Variants in CHST9 observed in about 807,000 individuals in gnomAD.
CHST9 encodes carbohydrate sulfotransferase 9.
CHST9 carries 41 observed loss-of-function variants against 44.4 expected under a neutral mutation model. The observed-to-expected ratio is 0.92, with a 90% confidence interval of 0.72 to 1.20. CHST9 has a LOEUF of 1.20. Among genes scored for constraint, CHST9 ranks in the 50% most tolerant of loss-of-function variants. CHST9 has a pLI of 0.00. For synonymous variants in CHST9, 171 were observed against 178.4 expected, an observed-to-expected ratio of 0.96 and a Z score of 0.33; for missense variants, 504 against 516.5, an observed-to-expected ratio of 0.98 and a Z score of 0.23.
At chr18:26,930,013 G>A (rs1206233349) in intron 5 of CHST9, among the ~76,000 whole-genome samples, 3 of 152,192 alleles carry the variant, frequency 2.0e-5, no homozygotes, top group Admixed American at 6.5e-5. Flanking sequence ...CACTCCATTC[G>A]TCTCACTGGA....
intron 2 of CHST9, among the ~76,000 whole-genome samples, chr18:27,093,319 G>T (rs1240499377): frequency 6.6e-6 from 1 of 152,230 alleles, no homozygotes; most frequent in African/African-American, 2.4e-5. Context: ...GAAGTTGTTT[G>T]CTGTCTTTTG....
intron 2 of CHST9, among the ~76,000 whole-genome samples, chr18:27,076,379 T>C (rs1324148089): frequency 6.6e-6 from 1 of 152,170 alleles, no homozygotes; most frequent in African/African-American, 2.4e-5. Context: ...TCCATTTTAG[T>C]AGGTTCAGTT....
chr18:26,933,843 T>C (rs1479649733), intron 5 of CHST9: 1 of 153,252 alleles, frequency 6.5e-6, no homozygotes, highest in African/African-American at 2.4e-5. Flanking sequence ...ATGCAAACAC[T>C]AAAACAGTAA....
intron 2 of CHST9, among the ~76,000 whole-genome samples, chr18:27,056,569 A>G (rs998487243): frequency 3.9e-5 from 6 of 152,214 alleles, no homozygotes; most frequent in Non-Finnish European, 8.8e-5. Flanking sequence ...GTGAAGATTA[A>G]ATAAAATGAT....
At chr18:27,069,277 T>C (rs1258424787) in intron 2 of CHST9, among the ~76,000 whole-genome samples, 1 of 152,224 alleles carries the variant, frequency 6.6e-6, no homozygotes, top group East Asian at 1.9e-4. Context: ...AGGCTGTTTA[T>C]GTTCTCTAAT....
At chr18:27,167,954 A>C (rs1035300074) in intron 1 of CHST9, among the ~76,000 whole-genome samples, 2 of 152,224 alleles carry the variant, frequency 1.3e-5, no homozygotes, top group African/African-American at 4.8e-5. Context: ...GAATGAAAGC[A>C]AAGTGGTCTA....
intron 1 of CHST9, among the ~76,000 whole-genome samples, chr18:27,168,368 C>A (rs946766032): frequency 1.3e-5 from 2 of 152,120 alleles, no homozygotes; most frequent in African/African-American, 4.8e-5. Context: ...GCCACCGCGC[C>A]CAGCCTATAC....
intron 3 of CHST9, among the ~76,000 whole-genome samples, chr18:27,030,584 G>C (rs1044459411): frequency 1.3e-5 from 2 of 152,226 alleles, no homozygotes; most frequent in Admixed American, 6.5e-5. Context: ...TTGCCTGTGC[G>C]GAGGCAGCTT....
intron 3 of CHST9, among the ~76,000 whole-genome samples, chr18:27,028,027 T>C (rs935383868): frequency 6.6e-6 from 1 of 152,186 alleles, no homozygotes; most frequent in South Asian, 2.1e-4. Flanking sequence ...GCGATTCTCC[T>C]GCCTCAGCCT....
At chr18:27,155,104 A>G (rs909563676) in intron 1 of CHST9, among the ~76,000 whole-genome samples, 61 of 142,454 alleles carry the variant, frequency 4.3e-4, no homozygotes, top group African/African-American at 1.3e-3. Flanking sequence ...AAAAAAAAAA[A>G]AAGAAGTAAC....
At chr18:27,099,604 T>C (rs2058151332) in intron 2 of CHST9, among the ~76,000 whole-genome samples, 1 of 151,936 alleles carries the variant, frequency 6.6e-6, no homozygotes, top group Non-Finnish European at 1.5e-5. Flanking sequence ...AAGAAACATG[T>C]GAGAAAATGT....
chr18:27,138,880 C>T (rs1184498015), intron 2 of CHST9, among the ~76,000 whole-genome samples: 1 of 151,194 alleles, frequency 6.6e-6, no homozygotes, highest in African/African-American at 2.4e-5. Flanking sequence ...CCTGTAACAA[C>T]TACGAAAAAA....
At chr18:26,942,303 T>C (rs772394534) in intron 5 of CHST9, among the ~76,000 whole-genome samples, 4 of 152,200 alleles carry the variant, frequency 2.6e-5, no homozygotes, top group African/African-American at 9.7e-5. Flanking sequence ...GAAGAATGAA[T>C]AGAAATTTCA....
chr18:27,133,850 T>C (rs566439195), intron 2 of CHST9, among the ~76,000 whole-genome samples: 1 of 152,188 alleles, frequency 6.6e-6, no homozygotes, highest in East Asian at 1.9e-4. Context: ...AGCCGTGACA[T>C]GGGAATAATC....
chr18:26,972,962 G>A (rs950881960), intron 4 of CHST9, among the ~76,000 whole-genome samples: 6 of 152,134 alleles, frequency 3.9e-5, no homozygotes, highest in African/African-American at 1.4e-4. Context: ...CCCGCTCCTC[G>A]TTTACTGAAG....
At chr18:27,107,966 G>T (rs548156766) in intron 2 of CHST9, among the ~76,000 whole-genome samples, 1 of 152,096 alleles carries the variant, frequency 6.6e-6, no homozygotes, top group Non-Finnish European at 1.5e-5. Context: ...ATTACTCAGG[G>T]CTTGTTTCTC....
At chr18:27,042,532 C>T (rs995408367) in intron 3 of CHST9, among the ~76,000 whole-genome samples, 2 of 152,056 alleles carry the variant, frequency 1.3e-5, no homozygotes, top group African/African-American at 2.4e-5. Context: ...TAAGCTGGCT[C>T]CAGCAAGCCA....
intron 1 of CHST9, among the ~76,000 whole-genome samples, chr18:27,155,765 T>C (rs1173305056): frequency 1.3e-5 from 2 of 152,134 alleles, no homozygotes; most frequent in Non-Finnish European, 2.9e-5. Flanking sequence ...TTCTAGTTTG[T>C]TAATACCTTT....
chr18:26,921,355 T>G (rs1379931162), intron 5 of CHST9, among the ~76,000 whole-genome samples: 3 of 152,154 alleles, frequency 2.0e-5, no homozygotes, highest in Non-Finnish European at 4.4e-5. Flanking sequence ...CAATATAAAT[T>G]AGTGTCCTCC....
Sources: allele counts gnomAD v4.1 joint callset (sites outside exome capture counted in the v4.1 genomes callset), GRCh38; gene constraint gnomAD v4.1.1; transcripts MANE v1.5; gene names NCBI Gene and HGNC (gene_info 2026-07-23, HGNC 2026-07-21).